TSPAN9: variants seen among roughly 807,000 people sequenced by gnomAD.
TSPAN9 encodes tetraspanin-9.
TSPAN9 carries 16 observed loss-of-function variants against 31.0 expected under a neutral mutation model. The ratio of observed to expected loss-of-function variants is 0.52; its 90% CI spans 0.35 to 0.78. TSPAN9 has a LOEUF of 0.78. Ranked by LOEUF, TSPAN9 falls within the 30% of genes least tolerant of loss-of-function variation. The probability of loss-of-function intolerance (pLI) is 0.01; values close to 1 mark genes in which losing one functional copy is unlikely to be tolerated. For synonymous variants in TSPAN9, 145 were observed against 121.6 expected (o/e 1.19, Z -1.27); for missense variants, 272 against 312.5 (o/e 0.87, Z 0.98).
At chr12:3,165,214 A>G (rs1057295331) in intron 2 of TSPAN9, among the ~76,000 whole-genome samples, 1 of 152,104 alleles carries the variant, frequency 6.6e-6, no homozygotes, top group Non-Finnish European at 1.5e-5. Context: ...TTCCTAATGG[A>G]ATGAAGGTCT....
chr12:3,174,613 C>T (rs980054232), intron 2 of TSPAN9, among the ~76,000 whole-genome samples: 9 of 152,082 alleles, frequency 5.9e-5, no homozygotes, highest in Non-Finnish European at 1.2e-4. Context: ...GACGGAGTCT[C>T]ACTCTGTCGC....
At chr12:3,219,536 G>C (rs1228921431) in intron 3 of TSPAN9, among the ~76,000 whole-genome samples, 5 of 152,194 alleles carry the variant, frequency 3.3e-5, no homozygotes, top group Non-Finnish European at 7.3e-5. Flanking sequence ...GAGTCAGCCA[G>C]ACAGGCAGCT....
chr12:3,250,905 C>T (rs61910160), intron 3 of TSPAN9, among the ~76,000 whole-genome samples: 2,018 of 152,308 alleles, frequency 0.013, 21 homozygotes, highest in Non-Finnish European at 0.02. Flanking sequence ...GAGGTTGGAC[C>T]GGGGTGACAG....
rs539386939 is a variant in TSPAN9, at chr12:3,245,872, G to A, written c.64-32549G>A. Among the ~76,000 whole-genome samples the A allele has an allele frequency of 1.3e-4, 19 of 150,648 alleles. No individual in the cohort carries two copies. In the South Asian group the frequency reaches 3.3e-3, roughly 26 times the overall value. Reference sequence around the variant, plus strand: ...ATTTGGGCATTCTCCTGCCCAGCCCGCCTTGCCTTCTGACTGTGGCGCAGA... The same window carrying A: ...ATTTGGGCATTCTCCTGCCCAGCCCACCTTGCCTTCTGACTGTGGCGCAGA... On this transcript the variant is annotated intron_variant, in intron 3 of 8. Coordinates refer to ENST00000011898, the MANE Select transcript of TSPAN9 (RefSeq NM_006675.5).
At chr12:3,088,241 G>A (rs2098301689) in intron 2 of TSPAN9, among the ~76,000 whole-genome samples, 1 of 152,256 alleles carries the variant, frequency 6.6e-6, no homozygotes, top group African/African-American at 2.4e-5. Flanking sequence ...CATGCAGATT[G>A]CAAAGACCTG....
chr12:3,092,890 G>A (rs1338833272), intron 2 of TSPAN9, among the ~76,000 whole-genome samples: 4 of 152,182 alleles, frequency 2.6e-5, no homozygotes, highest in African/African-American at 4.8e-5. Flanking sequence ...TGAGAGGGAG[G>A]TTAGAAATGA....
chr12:3,271,172 G>C (rs1862670143), intron 3 of TSPAN9, among the ~76,000 whole-genome samples: 1 of 152,228 alleles, frequency 6.6e-6, no homozygotes. Flanking sequence ...GAGATTAGGG[G>C]CTGCAAAGTG....
chr12:3,139,875 C>T (rs964063965), intron 2 of TSPAN9, among the ~76,000 whole-genome samples: 3 of 152,214 alleles, frequency 2.0e-5, no homozygotes, highest in Non-Finnish European at 4.4e-5. Flanking sequence ...TCCTTCACAG[C>T]AGGTGACTCT....
intron 2 of TSPAN9, among the ~76,000 whole-genome samples, chr12:3,110,073 G>T (rs565018142): frequency 1.3e-5 from 2 of 151,914 alleles, no homozygotes; most frequent in African/African-American, 4.8e-5. Context: ...CTCTGCCCCC[G>T]CTTCCCTTAG....
chr12:3,264,262 G>A (rs560939531), intron 3 of TSPAN9, among the ~76,000 whole-genome samples: 62 of 152,258 alleles, frequency 4.1e-4, no homozygotes, highest in African/African-American at 1.3e-3. Flanking sequence ...GGGGAAGGGG[G>A]TGGGGACCCA....
At chr12:3,156,705 A>C (rs1233109120) in intron 2 of TSPAN9, among the ~76,000 whole-genome samples, 2 of 151,972 alleles carry the variant, frequency 1.3e-5, no homozygotes, top group African/African-American at 4.8e-5. Flanking sequence ...ATGGGGTTTC[A>C]CCATGTTGGC....
intron 2 of TSPAN9, 172 bp from the exon 3 acceptor site, chr12:3,201,005 A>C (rs1260680275): frequency 1.6e-6 from 1 of 607,436 alleles, no homozygotes; most frequent in Admixed American, 3.0e-5. Context: ...CAAGCCGTCC[A>C]CCTCCGGCCG....
intron 3 of TSPAN9, among the ~76,000 whole-genome samples, chr12:3,271,753 C>T (rs1156522794): frequency 6.6e-6 from 1 of 152,122 alleles, no homozygotes; most frequent in Non-Finnish European, 1.5e-5. Flanking sequence ...TCTTGCCTTC[C>T]CTGCCCCTCC....
chr12:3,234,560 C>G (rs1378491787), intron 3 of TSPAN9, among the ~76,000 whole-genome samples: 2 of 152,172 alleles, frequency 1.3e-5, no homozygotes, highest in Non-Finnish European at 2.9e-5. Context: ...AAGTAACATC[C>G]CAAGAGCTGT....
rs536260350 is a variant in TSPAN9, at chr12:3,253,819, C to T, written c.64-24602C>T. Among the ~76,000 whole-genome samples the T allele has an allele frequency of 3.9e-5, 6 of 152,264 alleles. No individual in the cohort carries two copies. In the East Asian group the frequency reaches 5.8e-4, roughly 15 times the overall value. On this transcript the variant is annotated intron_variant, in intron 3 of 8. Transcript: ENST00000011898. ...CCCTGGGAATGTTCTGTCTGCTGTG[C>T]GTGGGCCTGGTGGTGTGCCCTCCTG...
At chr12:3,148,426 C>T (rs1320761439) in intron 2 of TSPAN9, among the ~76,000 whole-genome samples, 2 of 152,260 alleles carry the variant, frequency 1.3e-5, no homozygotes, top group Admixed American at 1.3e-4. Flanking sequence ...TCATGGCATC[C>T]TTTCCAGCAG....
intron 3 of TSPAN9, among the ~76,000 whole-genome samples, chr12:3,210,526 G>A (rs1162856438): frequency 2.6e-5 from 4 of 152,010 alleles, no homozygotes; most frequent in Non-Finnish European, 5.9e-5. Flanking sequence ...ACAATTTTTA[G>A]GAGTTTTATT....
intron 3 of TSPAN9, among the ~76,000 whole-genome samples, chr12:3,255,254 G>A (rs935637875): frequency 2.0e-5 from 3 of 152,230 alleles, no homozygotes; most frequent in Non-Finnish European, 2.9e-5. Flanking sequence ...AGGCGAGCCC[G>A]GGTGAGCTGT....
rs1371082920 is a variant in TSPAN9, at chr12:3,285,661, G to A, written c.*2545G>A. 1 of 151,996 alleles carries A rather than the reference G, an allele frequency of 6.6e-6. No individual in the cohort carries two copies. The highest frequency in any genetic ancestry group is 2.4e-5 in the African/African-American group (1 of 41,218). 9.4% of individuals were successfully genotyped at this position (151,996 alleles called of 1,614,324 possible). A position where few individuals can be genotyped will look rare whatever the true frequency, so the allele number is the denominator to read the frequency against. The stretch of plus-strand genomic sequence containing the variant: ...GCACAGCCTCTCTTCAGTTTCTCCT[G>A]ACTGTGATCTCACTGGGGTAGAATT... On this transcript the variant is annotated 3_prime_UTR_variant, in exon 9 of 9. Coordinates refer to ENST00000011898, the MANE Select transcript of TSPAN9 (RefSeq NM_006675.5).
Sources: gnomAD v4.1 joint callset for allele counts (sites outside exome capture counted in the v4.1 genomes callset) on GRCh38, gnomAD v4.1.1 for gene constraint, MANE v1.5 for transcripts, NCBI Gene and HGNC (gene_info 2026-07-23, HGNC 2026-07-21) for gene names.